PVR: variants seen among roughly 807,000 people sequenced by gnomAD.
The protein encoded by PVR is PVR cell adhesion molecule, also known as poliovirus receptor.
A neutral mutation model predicts 43.3 loss-of-function variants in PVR; 39 were observed. The observed-to-expected ratio is 0.90, with a 90% CI of 0.70 to 1.18. The LOEUF is 1.18. PVR is among the 50% of genes most tolerant of loss of function. The pLI, the probability that PVR is intolerant of heterozygous loss-of-function variation, is 0.00. For missense variants in PVR, 480 were observed against 549.7 expected (o/e 0.87, Z 1.27); for synonymous variants, 224 against 233.2 (o/e 0.96, Z 0.36).
chr19:44,645,189 TA>T (rs1389850953), intron 1 of PVR, among the ~76,000 whole-genome samples: 1 of 95,162 alleles, frequency 1.1e-5, no homozygotes, highest in Non-Finnish European at 1.9e-5. Flanking sequence ...TATATTATTA[TA>T]ATATATAATA....
Position 44,643,938 on chromosome 19 carries a change from G to T in PVR, c.-159G>T. 1 of 570,962 alleles carries T rather than the reference G, an allele frequency of 1.8e-6. No homozygotes were observed. The highest frequency in any genetic ancestry group is 4.6e-4 in the Middle Eastern group (1 of 2,182). The allele number at this position is 570,962 out of a possible 1,614,324, so 35.4% of individuals were successfully genotyped here. Reference sequence around the variant, plus strand: ...CACTTGTCTGGAGCTTGAAGAAGTGGGTATTCCCCTTCCCACCCCAGGCAC... The same window carrying T: ...CACTTGTCTGGAGCTTGAAGAAGTGTGTATTCCCCTTCCCACCCCAGGCAC... On this transcript the variant is annotated 5_prime_UTR_variant, in exon 1 of 8. Transcript: ENST00000425690.
intron 3 of PVR, among the ~76,000 whole-genome samples, chr19:44,652,931 T>TA (rs201314191): frequency 0.012 from 1,757 of 152,334 alleles, 18 homozygotes; most frequent in Non-Finnish European, 0.02. Context: ...TTTGTCCTAG[T>TA]AAAGCCTTTG....
Position 44,649,842 on chromosome 19 carries a change from T to G in PVR, c.461T>G (p.Val154Gly). The G allele has an allele frequency of 3.7e-6, 6 of 1,614,052 alleles. No homozygotes were observed. The highest frequency in any genetic ancestry group is 4.2e-6 in the Non-Finnish European group (5 of 1,180,000). ...KPQNTAEVQK[V>G]QLTGEPVPMA... is the part of the protein sequence containing the mutation. The stretch of plus-strand genomic sequence containing the variant: ...CAGAACACAGCTGAGGTTCAGAAGG[T>G]CCAGCTCACTGGAGAGCCAGTGCCC... Residue 154 changes from valine to glycine, a missense_variant, in exon 3 of 8, where the codon GTC becomes GGC. Val to Gly is a moderately radical substitution (Grantham distance 109). Coordinates refer to ENST00000425690, the MANE Select transcript of PVR (RefSeq NM_006505.5).
intron 3 of PVR, 90 bp downstream of exon 3, chr19:44,650,195 T>C (rs1158849409): frequency 1.7e-5 from 22 of 1,273,388 alleles, no homozygotes; most frequent in African/African-American, 3.0e-5. Context: ...CTGTAGGCAT[T>C]GCTTCCATCA....
At position 44,658,789 on chromosome 19, in the gene PVR, TTCC is replaced by T; in HGVS notation, c.1041_1043del (p.Phe347del). The T allele has an allele frequency of 6.2e-7, 1 of 1,612,806 alleles. No homozygotes were observed. The highest frequency in any genetic ancestry group is 8.5e-7 in the Non-Finnish European group (1 of 1,178,764). Reference sequence around the variant, plus strand: ...AGGCATGTCCCGTAACGCCATCATCTTCCTGGTTCTGGGAATCCTGGTTTTTCT... The same window carrying T: ...AGGCATGTCCCGTAACGCCATCATCTTGGTTCTGGGAATCCTGGTTTTTCT... On this transcript the variant is annotated inframe_deletion, in exon 6 of 8. Transcript: ENST00000425690.
chr19:44,653,918 T>C lies in PVR; in HGVS notation c.743T>C (p.Ile248Thr). The C allele has an allele frequency of 6.2e-7, 1 of 1,612,384 alleles. No individual in the cohort carries two copies. The highest frequency in any genetic ancestry group is 8.5e-7 in the Non-Finnish European group (1 of 1,178,388). The change falls in exon 4 of 8, where the codon ATC becomes ACC. Residue 248 changes from isoleucine (I) to threonine (T), a missense_variant. Ile to Thr is a moderately conservative substitution (Grantham distance 89). Transcript: ENST00000425690. The part of the protein sequence containing the change: ...LTVYYPPEVS[I>T]SGYDNNWYLG... ...CCTGCAGACCCCCCAGAGGTATCCA[T>C]CTCTGGCTATGATAACAACTGGTAC...
intron 1 of PVR, among the ~76,000 whole-genome samples, chr19:44,645,190 A>T (rs866192089): frequency 2.4e-5 from 2 of 84,424 alleles, no homozygotes; most frequent in African/African-American, 9.9e-5. Flanking sequence ...ATATTATTAT[A>T]ATATATAATA....
chr19:44,664,126 C>T lies in PVR; in HGVS notation c.*2315C>T, dbSNP rs1973651723. ...GCTAAAATGGCAAATTGTCTGTTAT[C>T]TCTTTTTAACCACCATTTTTGAAAA... is the stretch of plus-strand genomic sequence containing the variant. On this transcript the variant is annotated 3_prime_UTR_variant, in exon 8 of 8. Transcript: ENST00000425690. 1 of 152,134 alleles carries T rather than the reference C, an allele frequency of 6.6e-6. No homozygotes were observed. The allele number at this position is 152,134 out of a possible 1,614,324, so 9.4% of individuals were successfully genotyped here.
chr19:44,654,830 C>T (rs1333902609), intron 4 of PVR, among the ~76,000 whole-genome samples: 1 of 152,030 alleles, frequency 6.6e-6, no homozygotes, highest in African/African-American at 2.4e-5. Flanking sequence ...CAATGTGGCC[C>T]GGGGAAGCCA....
intron 1 of PVR, 112 bp from the exon 2 acceptor site, chr19:44,647,111 A>C (rs915409305): frequency 4.1e-5 from 11 of 268,714 alleles, no homozygotes; most frequent in Non-Finnish European, 5.3e-5. Flanking sequence ...TCCACCGGGG[A>C]TCCAGGGCCC....
chr19:44,645,329 T>G (rs1973078781), intron 1 of PVR, among the ~76,000 whole-genome samples: 1 of 121,126 alleles, frequency 8.3e-6, no homozygotes, highest in Non-Finnish European at 1.6e-5. Flanking sequence ...TAACATATAT[T>G]ATTTATATAA....
At position 44,663,703 on chromosome 19, in the gene PVR, T is replaced by C. The variant is rs2123775728; in HGVS notation, c.*1892T>C. 1 of 151,648 alleles carries C rather than the reference T, an allele frequency of 6.6e-6. No homozygotes were observed. Among genetic ancestry groups the C allele is most frequent in the East Asian group, 1.9e-4 (1 of 5,164 alleles). 9.4% of individuals were successfully genotyped at this position (151,648 alleles called of 1,614,324 possible). On this transcript the variant is annotated 3_prime_UTR_variant, in exon 8 of 8. Coordinates refer to ENST00000425690, the MANE Select transcript of PVR (RefSeq NM_006505.5). ...GCAAGACGCTAAATGAAGAGGGCCA[T>C]AAGGGCTGGGATTCCCAGGCACCTT...
At chr19:44,646,764 C>A (rs1973125698) in intron 1 of PVR, among the ~76,000 whole-genome samples, 1 of 151,680 alleles carries the variant, frequency 6.6e-6, no homozygotes, top group Non-Finnish European at 1.5e-5. Flanking sequence ...GAGAGAGACT[C>A]CGTCTCAAAA....
chr19:44,654,298 G>T (rs1352126873), intron 4 of PVR, among the ~76,000 whole-genome samples: 1 of 150,034 alleles, frequency 6.7e-6, no homozygotes, highest in Non-Finnish European at 1.5e-5. Flanking sequence ...TCTGAGGGAG[G>T]AGAAGCTGGG....
At position 44,645,742 on chromosome 19, in the gene PVR, C is replaced by T. The variant is rs192388899; in HGVS notation, c.80-1481C>T. ...TTGGGAGGCTGTGGTGGGAGGATCACTTGAGCTTAGGAATTCAAAACCAGC... is the reference window on the plus strand; with the variant it reads ...TTGGGAGGCTGTGGTGGGAGGATCATTTGAGCTTAGGAATTCAAAACCAGC... On this transcript the variant is annotated intron_variant, in intron 1 of 7. Transcript: ENST00000425690. Among the ~76,000 whole-genome samples the T allele has an allele frequency of 2.0e-3, 307 of 151,830 alleles. 1 individual carries two copies. The highest frequency in any genetic ancestry group is 7.1e-3 in the African/African-American group (292 of 41,374).
At position 44,647,073 on chromosome 19, in the gene PVR, C is replaced by T; in HGVS notation, c.80-150C>T. On this transcript the variant is annotated intron_variant, in intron 1 of 7. Coordinates refer to ENST00000425690, the MANE Select transcript of PVR (RefSeq NM_006505.5). ...CCTGCCATGGCCCCAACTAGTGCCC[C>T]AGTTCCCCCTCCCCCCACACCCCAC... The T allele has an allele frequency of 3.8e-6, 2 of 530,480 alleles. 1 individual carries two copies. Among genetic ancestry groups the T allele is most frequent in the Non-Finnish European group, 6.6e-6 (2 of 301,186 alleles). The allele number at this position is 530,480 out of a possible 1,614,324, so 32.9% of individuals were successfully genotyped here. A position where few individuals can be genotyped will look rare whatever the true frequency, so the allele number is the denominator to read the frequency against.
At chr19:44,652,113 G>A (rs1973297655) in intron 3 of PVR, among the ~76,000 whole-genome samples, 2 of 152,306 alleles carry the variant, frequency 1.3e-5, no homozygotes, top group South Asian at 2.1e-4. Context: ...GCGAGATTAC[G>A]CCATTGCACT....
chr19:44,654,014 G>A lies in PVR; in HGVS notation c.839G>A (p.Ser280Asn). 1 of 1,610,914 alleles carries A rather than the reference G, an allele frequency of 6.2e-7. No individual in the cohort carries two copies. The highest frequency in any genetic ancestry group is 8.5e-7 in the Non-Finnish European group (1 of 1,177,074). Residue 280 changes from serine to asparagine, a missense_variant, in exon 4 of 8, where the codon AGC becomes AAC. Ser to Asn is a conservative substitution (Grantham distance 46). Transcript: ENST00000425690. ...CCAGAGCCCACAGGCTATAATTGGA[G>A]CACGTGAGTCCTGGGTCTCAGGGAG... is the stretch of plus-strand genomic sequence containing the variant. ...SNPEPTGYNW[S>N]TTMGPLPPFA...
At chr19:44,646,492 C>A (rs1195986813) in intron 1 of PVR, among the ~76,000 whole-genome samples, 1 of 152,134 alleles carries the variant, frequency 6.6e-6, no homozygotes, top group Non-Finnish European at 1.5e-5. Flanking sequence ...GGGCCAGGTG[C>A]GGTGGCTCAT....
Sources: gnomAD v4.1 joint callset for allele counts (sites outside exome capture counted in the v4.1 genomes callset) on GRCh38, gnomAD v4.1.1 for gene constraint, MANE v1.5 for transcripts, NCBI Gene and HGNC (gene_info 2026-07-23, HGNC 2026-07-21) for gene names.